The following TDRD3 variants were observed in gnomAD, a reference collection of about 807,000 sequenced individuals.
The protein encoded by TDRD3 is tudor domain containing 3.
TDRD3 carries 45 observed loss-of-function variants against 86.7 expected under a neutral mutation model. That is an observed-to-expected ratio of 0.52 (90% confidence interval 0.41 to 0.67). The LOEUF is 0.67. TDRD3 is among the 30% of genes least tolerant of loss of function. The probability of loss-of-function intolerance (pLI) is 0.00; values close to 1 mark genes in which losing one functional copy is unlikely to be tolerated. For missense variants in TDRD3, 814 were observed against 889.0 expected, an observed-to-expected ratio of 0.92 and a Z score of 1.07; for synonymous variants, 298 against 301.7, an observed-to-expected ratio of 0.99 and a Z score of 0.13.
chr13:60,557,110 G>A (rs1315477467), intron 12 of TDRD3, among the ~76,000 whole-genome samples: 1 of 151,304 alleles, frequency 6.6e-6, no homozygotes, highest in East Asian at 2.0e-4. Context: ...GGAGGCTGAG[G>A]CAGGAGAATC....
At chr13:60,503,599 G>A (rs1218398785) in intron 8 of TDRD3, among the ~76,000 whole-genome samples, 1 of 152,138 alleles carries the variant, frequency 6.6e-6, no homozygotes, top group Non-Finnish European at 1.5e-5. Context: ...TTCTCTGGAT[G>A]TTTCAGGGGC....
Position 60,567,640 on chromosome 13 carries a change from A to G in TDRD3, c.2234A>G (p.Ter745=), listed in dbSNP as rs1421983874. 6 of 1,613,974 alleles carry G rather than the reference A, an allele frequency of 3.7e-6. No individual in the cohort carries two copies. Among genetic ancestry groups the G allele is most frequent in the Admixed American group, 1.7e-5 (1 of 59,968 alleles). Residue 745 remains the stop codon, a stop_retained_variant, in exon 13 of 14, where the codon TAA becomes TGA. Coordinates refer to ENST00000377881, the MANE Select transcript of TDRD3 (RefSeq NM_001146070.2). ...TACCAACCACCCCGGGCTCGGAACTAATAGGAAAAGGTAAACTTAACATTG... is the reference window on the plus strand; with the variant it reads ...TACCAACCACCCCGGGCTCGGAACTGATAGGAAAAGGTAAACTTAACATTG... ...QFYQPPRARN[*] is the part of the protein sequence containing the mutation.
intron 1 of TDRD3, among the ~76,000 whole-genome samples, chr13:60,402,691 C>G (rs1306039598): frequency 1.4e-5 from 1 of 73,272 alleles, no homozygotes; most frequent in Non-Finnish European, 2.5e-5. Flanking sequence ...AAACCAATTG[C>G]TTTTTTTTTT....
At chr13:60,459,118 T>A (rs1477571414) in intron 3 of TDRD3, among the ~76,000 whole-genome samples, 2 of 152,214 alleles carry the variant, frequency 1.3e-5, no homozygotes, top group Non-Finnish European at 2.9e-5. Context: ...ACTCCTTTTT[T>A]AGGCAAAATA....
At chr13:60,553,553 TAA>T (rs201762964) in intron 12 of TDRD3, among the ~76,000 whole-genome samples, 10 of 124,920 alleles carry the variant, frequency 8.0e-5, no homozygotes, top group African/African-American at 2.6e-4. Context: ...TTTTTTTAAA[TAA>T]AAAAAAAAAA....
At chr13:60,476,455 G>A (rs964533567) in intron 5 of TDRD3, among the ~76,000 whole-genome samples, 1 of 152,008 alleles carries the variant, frequency 6.6e-6, no homozygotes, top group African/African-American at 2.4e-5. Flanking sequence ...ATACCATTCT[G>A]TTTTGGTTAT....
chr13:60,475,284 C>A (rs1266529727), intron 5 of TDRD3, among the ~76,000 whole-genome samples: 4 of 152,136 alleles, frequency 2.6e-5, no homozygotes, highest in African/African-American at 7.2e-5. Flanking sequence ...TTGTTCCCAT[C>A]TCTGTGTCCA....
At chr13:60,438,595 G>C (rs1346761828) in intron 1 of TDRD3, among the ~76,000 whole-genome samples, 1 of 151,996 alleles carries the variant, frequency 6.6e-6, no homozygotes, top group African/African-American at 2.4e-5. Flanking sequence ...CTTCTGTACT[G>C]TTCTAACTAT....
intron 7 of TDRD3, among the ~76,000 whole-genome samples, chr13:60,490,392 G>A (rs749829192): frequency 1.3e-5 from 2 of 152,114 alleles, no homozygotes; most frequent in African/African-American, 2.4e-5. Flanking sequence ...TCTAAAGCAG[G>A]AGCACAGAGA....
chr13:60,447,610 G>A (rs1955433363), intron 3 of TDRD3, among the ~76,000 whole-genome samples: 1 of 152,142 alleles, frequency 6.6e-6, no homozygotes, highest in East Asian at 1.9e-4. Flanking sequence ...AATAAGGTAA[G>A]GCAAATTGGT....
At chr13:60,421,650 G>A (rs924384415) in intron 1 of TDRD3, among the ~76,000 whole-genome samples, 2 of 152,170 alleles carry the variant, frequency 1.3e-5, no homozygotes, top group South Asian at 2.1e-4. Context: ...AGCAAAATCT[G>A]TGTAAAACAA....
At chr13:60,439,906 GTGA>G (rs1955215711) in intron 2 of TDRD3, 134 bp downstream of exon 2, 1 of 550,350 alleles carries the variant, frequency 1.8e-6, no homozygotes. Flanking sequence ...TTAAGTTGTA[GTGA>G]TGATGTTTGT....
intron 10 of TDRD3, among the ~76,000 whole-genome samples, chr13:60,523,006 T>TTTTGG (rs67856398): frequency 2.1e-5 from 1 of 48,628 alleles, no homozygotes; most frequent in African/African-American, 5.9e-5. Flanking sequence ...AGGCACATTA[T>TTTTGG]TTTTTCACTT....
chr13:60,495,243 A>G (rs562414554), intron 8 of TDRD3, among the ~76,000 whole-genome samples: 1 of 152,300 alleles, frequency 6.6e-6, no homozygotes, highest in East Asian at 1.9e-4. Context: ...GCAGTATAAC[A>G]ATATTAGGGC....
intron 10 of TDRD3, among the ~76,000 whole-genome samples, chr13:60,515,654 A>G (rs955592916): frequency 1.3e-5 from 2 of 152,186 alleles, no homozygotes; most frequent in East Asian, 3.8e-4. Context: ...TGCTCACACT[A>G]CTCAGTGCCA....
At chr13:60,403,103 G>A (rs145219634) in intron 1 of TDRD3, among the ~76,000 whole-genome samples, 2 of 150,906 alleles carry the variant, frequency 1.3e-5, no homozygotes, top group East Asian at 3.9e-4. Flanking sequence ...AACTGTGCAA[G>A]TGTTCAGGTT....
At chr13:60,515,008 G>T (rs1957139118) in intron 10 of TDRD3, among the ~76,000 whole-genome samples, 1 of 152,134 alleles carries the variant, frequency 6.6e-6, no homozygotes, top group Non-Finnish European at 1.5e-5. Flanking sequence ...TGTACCTCTT[G>T]TCCCAAAGAA....
chr13:60,551,098 C>T (rs1958040825), intron 12 of TDRD3, among the ~76,000 whole-genome samples: 1 of 152,076 alleles, frequency 6.6e-6, no homozygotes, highest in Non-Finnish European at 1.5e-5. Context: ...AGATGGAAAG[C>T]CTTTCCTTTT....
At chr13:60,514,674 A>G (rs184767618) in intron 10 of TDRD3, among the ~76,000 whole-genome samples, 173 of 152,258 alleles carry the variant, frequency 1.1e-3, no homozygotes, top group Non-Finnish European at 2.0e-3. Context: ...CTGGGAATGT[A>G]TGGTAGAGGT....
Sources: allele counts gnomAD v4.1 joint callset (sites outside exome capture counted in the v4.1 genomes callset), GRCh38; gene constraint gnomAD v4.1.1; transcripts MANE v1.5; gene names NCBI Gene and HGNC (gene_info 2026-07-23, HGNC 2026-07-21).